The following ATAD2B variants were observed in gnomAD, a reference collection of about 807,000 sequenced individuals.
ATAD2B encodes ATPase family AAA domain containing 2B.
ATAD2B carries 40 observed loss-of-function variants against 167.6 expected under a neutral mutation model. That is an observed-to-expected ratio of 0.24 (90% CI 0.19 to 0.31). The LOEUF (loss-of-function observed/expected upper bound fraction) is 0.31. Among genes scored for constraint, ATAD2B ranks in the 10% least tolerant of loss-of-function variants. ATAD2B has a pLI of 1.00. For missense variants in ATAD2B, 1,242 were observed against 1,757.2 expected (o/e 0.71, Z 5.24); for synonymous variants, 579 against 596.5 (o/e 0.97, Z 0.43).
chr2:23,901,143 T>C, intron 1 of ATAD2B: 1 of 162,486 alleles, frequency 6.2e-6, no homozygotes, highest in African/African-American at 2.4e-5. Flanking sequence ...CTGCCCTGGT[T>C]GCATAAGTTT....
chr2:23,734,657 T>C, the ATAD2B span, among the ~76,000 whole-genome samples: 25 of 152,078 alleles, frequency 1.6e-4, no homozygotes, highest in African/African-American at 5.8e-4. Context: ...AACAACCAGA[T>C]CTTGTGGGAA....
At chr2:23,714,516 A>G in the ATAD2B span, among the ~76,000 whole-genome samples, 1 of 149,460 alleles carries the variant, frequency 6.7e-6, no homozygotes, top group Non-Finnish European at 1.5e-5. Flanking sequence ...CTGGGATTAC[A>G]GGTGTGAGCC....
the ATAD2B span, chr2:23,693,261 G>GC: frequency 1.3e-6 from 2 of 1,538,978 alleles, no homozygotes; most frequent in East Asian, 2.5e-5. Flanking sequence ...CTGCGCTGTC[G>GC]CCCCCAGAGA....
chr2:23,755,348 TCCTA>T (rs1675824151), intron 25 of ATAD2B, among the ~76,000 whole-genome samples: 1 of 152,198 alleles, frequency 6.6e-6, no homozygotes, highest in Non-Finnish European at 1.5e-5. Flanking sequence ...TGGTGTTCTT[TCCTA>T]CCTTAGAGTA....
chr2:23,886,006 C>T (rs1220004357), intron 4 of ATAD2B, among the ~76,000 whole-genome samples, 177 bp from the exon 5 acceptor site: 2 of 151,950 alleles, frequency 1.3e-5, no homozygotes, highest in Admixed American at 6.6e-5. Flanking sequence ...GTGCAGTGGC[C>T]TGTTCATGGC....
At chr2:23,916,593 TAAG>T (rs934567662) in intron 1 of ATAD2B, among the ~76,000 whole-genome samples, 2 of 152,166 alleles carry the variant, frequency 1.3e-5, no homozygotes, top group African/African-American at 4.8e-5. Context: ...GTCTGGCACA[TAAG>T]AATAATTCCC....
intron 1 of ATAD2B, among the ~76,000 whole-genome samples, chr2:23,905,236 G>A (rs919777664): frequency 1.3e-5 from 2 of 152,138 alleles, no homozygotes; most frequent in African/African-American, 2.4e-5. Context: ...AATGCCACAT[G>A]GTCAGGCATG....
At chr2:23,785,796 C>T in intron 21 of ATAD2B, 1 of 407,614 alleles carries the variant, frequency 2.5e-6, no homozygotes, top group Admixed American at 4.2e-5. Flanking sequence ...AGTAAGAGAC[C>T]ACAAAGGTTA....
intron 1 of ATAD2B, among the ~76,000 whole-genome samples, chr2:23,920,963 G>C (rs1345994482): frequency 1.3e-5 from 2 of 152,074 alleles, no homozygotes; most frequent in Non-Finnish European, 2.9e-5. Flanking sequence ...TCAGCACTTT[G>C]GGAGACCGAG....
intron 17 of ATAD2B, among the ~76,000 whole-genome samples, chr2:23,818,197 G>A (rs1686832275): frequency 8.2e-6 from 1 of 121,896 alleles, no homozygotes; most frequent in East Asian, 2.6e-4. Flanking sequence ...CGGAGGGAGG[G>A]AAGAAGAGAG....
At chr2:23,684,092 A>G in the ATAD2B span, among the ~76,000 whole-genome samples, 19 of 152,082 alleles carry the variant, frequency 1.2e-4, no homozygotes, top group East Asian at 3.9e-4. This position sits in a 1 kb window ranked among gnomAD's most constrained non-coding sequence, Gnocchi z 4.4. Context: ...TATGTTTCCA[A>G]TCGTCAGTAT....
intron 15 of ATAD2B, among the ~76,000 whole-genome samples, chr2:23,824,524 T>C (rs1687950888): frequency 6.6e-6 from 1 of 152,268 alleles, no homozygotes; most frequent in South Asian, 2.1e-4. Context: ...TTTAAAATTG[T>C]AATTCATCTG....
At chr2:23,888,507 AAAGAT>A (rs1699014590) in intron 2 of ATAD2B, 108 bp from the exon 3 acceptor site, 4 of 710,228 alleles carry the variant, frequency 5.6e-6, no homozygotes, top group Non-Finnish European at 8.9e-6. Context: ...TTTTAAAAGT[AAAGAT>A]AACTTTTTTT....
chr2:23,730,442 G>A, the ATAD2B span, among the ~76,000 whole-genome samples: 10 of 151,726 alleles, frequency 6.6e-5, no homozygotes, highest in South Asian at 2.1e-4. Flanking sequence ...CGAGGCAGGC[G>A]GATCACAAGG....
the ATAD2B span, among the ~76,000 whole-genome samples, chr2:23,739,591 G>C: frequency 6.6e-6 from 1 of 151,890 alleles, no homozygotes; most frequent in African/African-American, 2.4e-5. Flanking sequence ...GCCCACAAGA[G>C]AAAGCAGGAA....
At chr2:23,895,689 TTTA>T in intron 2 of ATAD2B, 127 bp downstream of exon 2, 6 of 576,192 alleles carry the variant, frequency 1.0e-5, no homozygotes, top group Non-Finnish European at 1.4e-5. Flanking sequence ...ATAAAATAAG[TTTA>T]ATACAATTTA....
chr2:23,854,186 A>C (rs913177341), intron 13 of ATAD2B, among the ~76,000 whole-genome samples: 1 of 152,106 alleles, frequency 6.6e-6, no homozygotes, highest in Non-Finnish European at 1.5e-5. Flanking sequence ...TGGAGGCTAC[A>C]GTGAGCTGAG....
intron 15 of ATAD2B, among the ~76,000 whole-genome samples, chr2:23,826,079 T>C (rs1688207987): frequency 6.6e-6 from 1 of 151,988 alleles, no homozygotes; most frequent in Non-Finnish European, 1.5e-5. Flanking sequence ...TCCATCTGAA[T>C]AAACACTGAA....
At position 23,881,612 on chromosome 2, in the gene ATAD2B, C is replaced by T. The variant is rs748262283; in HGVS notation, c.785-857G>A. ...TCCAGACCTGGTGATCAACCCCCCTCGGCCTCCCAATGTGCTGGGATTATA... is the reference window on the plus strand; with the variant it reads ...TCCAGACCTGGTGATCAACCCCCCTTGGCCTCCCAATGTGCTGGGATTATA... On this transcript the variant is annotated intron_variant, in intron 6 of 27. Coordinates refer to ENST00000238789, the MANE Select transcript of ATAD2B (RefSeq NM_017552.4). Among the ~76,000 whole-genome samples, 6 of 152,164 alleles carry T rather than the reference C, an allele frequency of 3.9e-5. 1 individual carries two copies. Among genetic ancestry groups the T allele is most frequent in the African/African-American group, 7.2e-5 (3 of 41,520 alleles).
Sources: gnomAD v4.1 joint callset for allele counts (sites outside exome capture counted in the v4.1 genomes callset) on GRCh38, gnomAD v4.1.1 for gene constraint, Gnocchi (gnomAD v3.1) non-coding constraint, MANE v1.5 for transcripts, NCBI Gene and HGNC (gene_info 2026-07-23, HGNC 2026-07-21) for gene names.